The following TAOK3 variants were observed in gnomAD, a reference collection of about 807,000 sequenced individuals.
The protein encoded by TAOK3 is TAO kinase 3.
TAOK3 carries 40 observed loss-of-function variants against 120.4 expected under a neutral mutation model. That is an observed-to-expected ratio of 0.33 (90% CI 0.26 to 0.43). The LOEUF is 0.43. Ranked by LOEUF, TAOK3 falls within the 20% of genes least tolerant of loss-of-function variation. TAOK3 has a pLI of 1.00. For missense variants in TAOK3, 821 were observed against 1,112.1 expected (o/e 0.74, Z 3.72); for synonymous variants, 355 against 387.5 (o/e 0.92, Z 0.99).
chr12:118,170,782 G>A (rs925319914), intron 17 of TAOK3, among the ~76,000 whole-genome samples: 1 of 152,198 alleles, frequency 6.6e-6, no homozygotes, highest in South Asian at 2.1e-4. Context: ...ATGTTCAGCA[G>A]CTCACAGCTC....
At chr12:118,225,105 G>A (rs140198547) in intron 9 of TAOK3, among the ~76,000 whole-genome samples, 3,091 of 151,744 alleles carry the variant, frequency 0.02, 108 homozygotes, top group African/African-American at 0.071. Flanking sequence ...AAAATTAGCC[G>A]GGAGTGGTGG....
At chr12:118,341,434 G>A (rs1272770873) in intron 1 of TAOK3, among the ~76,000 whole-genome samples, 2 of 151,688 alleles carry the variant, frequency 1.3e-5, no homozygotes, top group African/African-American at 2.4e-5. Context: ...GTCCAAATTA[G>A]GTCCATCTGT....
intron 1 of TAOK3, among the ~76,000 whole-genome samples, chr12:118,317,652 A>G (rs1223664494): frequency 4.6e-5 from 7 of 152,084 alleles, no homozygotes; most frequent in Non-Finnish European, 1.0e-4. Flanking sequence ...CAGGAGCTAG[A>G]AAACTTAATA....
chr12:118,320,170 A>G (rs940077135), intron 1 of TAOK3, among the ~76,000 whole-genome samples: 5 of 152,232 alleles, frequency 3.3e-5, no homozygotes, highest in Non-Finnish European at 7.3e-5. Context: ...AGAAAAATAG[A>G]TAAGGGCCTA....
At chr12:118,366,155 T>C (rs960982632) in intron 1 of TAOK3, among the ~76,000 whole-genome samples, 3 of 151,992 alleles carry the variant, frequency 2.0e-5, no homozygotes, top group African/African-American at 4.8e-5. Context: ...TCCCAGCTAC[T>C]CTGGAGGCTG....
chr12:118,307,716 T>C (rs1172351752), intron 1 of TAOK3, among the ~76,000 whole-genome samples: 3 of 152,178 alleles, frequency 2.0e-5, no homozygotes, highest in African/African-American at 4.8e-5. Context: ...CTCTATGAAC[T>C]GTTAATGAAG....
At chr12:118,233,625 A>G in intron 9 of TAOK3, 49 bp downstream of exon 9, 1 of 1,382,482 alleles carries the variant, frequency 7.2e-7, no homozygotes, top group East Asian at 2.3e-5. Flanking sequence ...ATTCATCTGC[A>G]AAATAGAATT....
At chr12:118,279,568 T>A (rs1331715178) in intron 1 of TAOK3, among the ~76,000 whole-genome samples, 3 of 151,310 alleles carry the variant, frequency 2.0e-5, no homozygotes, top group Non-Finnish European at 4.4e-5. Flanking sequence ...AAGTCTTTAA[T>A]CCATCTTGAG....
At chr12:118,280,625 T>C (rs2042068224) in intron 1 of TAOK3, among the ~76,000 whole-genome samples, 1 of 152,220 alleles carries the variant, frequency 6.6e-6, no homozygotes, top group South Asian at 2.1e-4. Flanking sequence ...TCGTAACAGG[T>C]AATGTGATGC....
intron 9 of TAOK3, among the ~76,000 whole-genome samples, chr12:118,217,757 T>C (rs1000794405): frequency 6.8e-6 from 1 of 146,702 alleles, no homozygotes; most frequent in Non-Finnish European, 1.5e-5. Flanking sequence ...ATTTTATGTA[T>C]ATATATGTAT....
At chr12:118,172,728 C>A in intron 16 of TAOK3, 68 bp from the exon 17 acceptor site, 7 of 1,360,736 alleles carry the variant, frequency 5.1e-6, no homozygotes, top group Non-Finnish European at 7.3e-6. Context: ...CTTATTGCAA[C>A]TGAAGATTAA....
At position 118,172,513 on chromosome 12, in the gene TAOK3, A is replaced by C; in HGVS notation, c.1843T>G (p.Phe615Val). Residue 615 changes from phenylalanine (F) to valine (V), a missense_variant, in exon 17 of 21, where the codon TTC becomes GTC. By Grantham distance (50) the Phe-to-Val change is conservative. Transcript: ENST00000392533. ...CGCTTGATCATTATTTTCCGCTTGA[A>C]GAAACGACAATTTTTGTCGTAGTAC... is the stretch of plus-strand genomic sequence containing the variant. Reference protein sequence around the residue: ...RLYYDKNCRFFKRKIMIKRHE... With the variant: ...RLYYDKNCRFVKRKIMIKRHE... 3 of 1,614,214 alleles carry C rather than the reference A, an allele frequency of 1.9e-6. No homozygotes were observed. Among genetic ancestry groups the C allele is most frequent in the Non-Finnish European group, 2.5e-6 (3 of 1,180,024 alleles).
intron 11 of TAOK3, among the ~76,000 whole-genome samples, chr12:118,212,091 T>C (rs1219769793): frequency 6.6e-6 from 1 of 152,210 alleles, no homozygotes; most frequent in Admixed American, 6.5e-5. Flanking sequence ...TGTTCTTAAA[T>C]TATAAAGGCA....
intron 3 of TAOK3, among the ~76,000 whole-genome samples, chr12:118,251,267 C>T (rs899217454): frequency 5.9e-5 from 9 of 152,218 alleles, no homozygotes; most frequent in South Asian, 2.1e-4. Flanking sequence ...TCTATTAGCA[C>T]GGAGTAAGAA....
At chr12:118,243,158 T>A (rs1465019444) in intron 5 of TAOK3, among the ~76,000 whole-genome samples, 1 of 152,056 alleles carries the variant, frequency 6.6e-6, no homozygotes, top group Non-Finnish European at 1.5e-5. Flanking sequence ...AACAAATAAT[T>A]ATAAAATGAT....
At chr12:118,212,633 G>A (rs1565954914) in intron 11 of TAOK3, among the ~76,000 whole-genome samples, 1 of 152,100 alleles carries the variant, frequency 6.6e-6, no homozygotes, top group African/African-American at 2.4e-5. Context: ...GATGACTAGA[G>A]CAAGGAGGAG....
At chr12:118,231,881 C>T (rs1410553274) in intron 9 of TAOK3, among the ~76,000 whole-genome samples, 2 of 150,236 alleles carry the variant, frequency 1.3e-5, no homozygotes, top group Non-Finnish European at 2.9e-5. Flanking sequence ...CAAGATTGCA[C>T]TGCTGCAATG....
rs186791757 is a variant in TAOK3, at chr12:118,177,123, C to T, written c.1695+78G>A. The stretch of plus-strand genomic sequence containing the variant: ...AGACTCACTGGACTAGAATATTGAT[C>T]ACAATGCAAGATGAGTGAATGTTAA... On this transcript the variant is annotated intron_variant, in intron 16 of 20. Transcript: ENST00000392533. The T allele has an allele frequency of 4.1e-6, 6 of 1,458,920 alleles. No individual in the cohort carries two copies. In the Admixed American group the frequency reaches 1.1e-4, roughly 26 times the overall value. 90.4% of individuals were successfully genotyped at this position (1,458,920 alleles called of 1,614,324 possible).
At position 118,199,123 on chromosome 12, in the gene TAOK3, G is replaced by T. The variant is rs2037893792; in HGVS notation, c.1122C>A (p.Ser374Arg). The change falls in exon 13 of 21, where the codon AGC (serine) becomes AGA (arginine). Residue 374 changes from serine to arginine, a missense_variant. Ser to Arg is a moderately radical substitution (Grantham distance 110, BLOSUM62 -1). Coordinates refer to ENST00000392533, the MANE Select transcript of TAOK3 (RefSeq NM_016281.4). ...VNSMQEVMDE[S>R]SSELVMMHDD... Reference sequence around the variant, plus strand: ...CGTGCATCATGACAAGTTCGGAACTGCTCTCGTCCATGACTTCCTGCATGC... The same window carrying T: ...CGTGCATCATGACAAGTTCGGAACTTCTCTCGTCCATGACTTCCTGCATGC... 6.2e-7 allele frequency: 1 copy of T among 1,614,064 alleles called. No homozygotes were observed. Among genetic ancestry groups the T allele is most frequent in the Admixed American group, 1.7e-5 (1 of 60,004 alleles).
Sources: gnomAD v4.1 joint callset for allele counts (sites outside exome capture counted in the v4.1 genomes callset) on GRCh38, gnomAD v4.1.1 for gene constraint, MANE v1.5 for transcripts, NCBI Gene and HGNC (gene_info 2026-07-23, HGNC 2026-07-21) for gene names.